TRMT11: variants seen among roughly 807,000 people sequenced by gnomAD.
The protein encoded by TRMT11 is tRNA methyltransferase 11, also known as tRNA (guanine(10)-N(2))-methyltransferase TRMT11.
A neutral mutation model predicts 62.8 loss-of-function variants in TRMT11; 53 were observed. The observed-to-expected ratio is 0.84, with a 90% CI of 0.68 to 1.06. The LOEUF (loss-of-function observed/expected upper bound fraction) is 1.06, where lower values mean the gene tolerates loss of function less well. Among genes scored for constraint, TRMT11 ranks in the 50% least tolerant of loss-of-function variants. The pLI is 0.00. For missense variants in TRMT11, 556 were observed against 553.4 expected (o/e 1.00, Z -0.05); for synonymous variants, 188 against 190.3 (o/e 0.99, Z 0.10).
intron 1 of TRMT11, among the ~76,000 whole-genome samples, chr6:126,185,714 C>A (rs1348365675): frequency 6.6e-6 from 1 of 152,090 alleles, no homozygotes; most frequent in Non-Finnish European, 1.5e-5. Flanking sequence ...GAAGAAATAC[C>A]TGAGACTGGG....
chr6:126,065,168 T>TC (rs1022206194), intron 17 of TRMT11, among the ~76,000 whole-genome samples: 10 of 152,226 alleles, frequency 6.6e-5, no homozygotes, highest in Admixed American at 5.2e-4. Flanking sequence ...TGAAACTTTT[T>TC]CTTTTATTGT....
intron 21 of TRMT11, among the ~76,000 whole-genome samples, chr6:126,142,765 A>G (rs1777932360): frequency 6.6e-6 from 1 of 152,082 alleles, no homozygotes; most frequent in Admixed American, 6.6e-5. Flanking sequence ...AGCTATATTA[A>G]CAGTGCTGAG....
chr6:125,998,239 C>A lies in TRMT11; in HGVS notation c.311C>A (p.Ser104Ter). Reference sequence around the variant, plus strand: ...TTATTTTAGGTTCCATTTCTACATTCGGACTCTACATATAAAATAAAGATT... The same window carrying A: ...TTATTTTAGGTTCCATTTCTACATTAGGACTCTACATATAAAATAAAGATT... ...PVEKMVPFLHSDSTYKIKIHT... is the reference protein window; with the variant it reads ...PVEKMVPFLH Residue 104 changes from serine to a stop codon, truncating the protein, a stop_gained, in exon 5 of 13, where the codon TCG (serine) becomes TAG (stop). Transcript: ENST00000334379. LOFTEE classifies it high-confidence loss of function. 1 of 1,600,256 alleles carries A rather than the reference C, an allele frequency of 6.2e-7. No homozygotes were observed. The highest frequency in any genetic ancestry group is 1.1e-5 in the South Asian group (1 of 90,484).
At chr6:126,136,792 A>G (rs62427023) in intron 21 of TRMT11, among the ~76,000 whole-genome samples, 5 of 151,826 alleles carry the variant, frequency 3.3e-5, no homozygotes, top group Non-Finnish European at 7.4e-5. Flanking sequence ...AGAGACATAG[A>G]CCAATGGAAG....
chr6:126,228,110 T>C, the TRMT11 span, among the ~76,000 whole-genome samples: 1 of 152,232 alleles, frequency 6.6e-6, no homozygotes, highest in Admixed American at 6.5e-5. Flanking sequence ...GGTCAGTCTA[T>C]TCCCCATCCC....
chr6:126,013,240 T>C, intron 11 of TRMT11, 139 bp downstream of exon 11: 1 of 779,620 alleles, frequency 1.3e-6, no homozygotes, highest in Non-Finnish European at 2.0e-6. Context: ...CCTTCAAATG[T>C]GTATAAAATA....
intron 17 of TRMT11, among the ~76,000 whole-genome samples, chr6:126,063,624 G>A (rs1776601593): frequency 6.6e-6 from 1 of 152,206 alleles, no homozygotes; most frequent in Admixed American, 6.5e-5. Flanking sequence ...TGAAATTACA[G>A]ATGGGTCTGA....
At chr6:126,015,488 G>A (rs1018915936) in intron 11 of TRMT11, among the ~76,000 whole-genome samples, 1 of 152,062 alleles carries the variant, frequency 6.6e-6, no homozygotes, top group African/African-American at 2.4e-5. Flanking sequence ...TCGGTGCTGG[G>A]ATTACAGGTG....
chr6:126,169,860 T>C (rs986665181), intron 21 of TRMT11, among the ~76,000 whole-genome samples: 6 of 152,180 alleles, frequency 3.9e-5, no homozygotes, highest in Non-Finnish European at 8.8e-5. Context: ...AACCATGATA[T>C]TTCATGAAAT....
At chr6:126,124,223 C>T (rs1401757550) in intron 21 of TRMT11, among the ~76,000 whole-genome samples, 1 of 151,882 alleles carries the variant, frequency 6.6e-6, no homozygotes, top group Non-Finnish European at 1.5e-5. Flanking sequence ...GGAGGAGATC[C>T]CCAAAATGTC....
At chr6:126,048,517 T>G (rs976589542) in intron 16 of TRMT11, among the ~76,000 whole-genome samples, 2 of 152,168 alleles carry the variant, frequency 1.3e-5, no homozygotes, top group African/African-American at 4.8e-5. Flanking sequence ...TCGGGGTCAC[T>G]CATATTGACA....
chr6:126,264,088 G>C, the TRMT11 span, among the ~76,000 whole-genome samples: 1 of 152,126 alleles, frequency 6.6e-6, no homozygotes, highest in East Asian at 1.9e-4. Context: ...TCATTAACAC[G>C]TGCCTAGGTG....
intron 21 of TRMT11, among the ~76,000 whole-genome samples, chr6:126,168,000 A>C (rs187022446): frequency 1.1e-3 from 172 of 152,344 alleles, no homozygotes; most frequent in African/African-American, 4.0e-3. Flanking sequence ...GACTTGGGTC[A>C]GTGTCTCCCA....
chr6:126,259,825 C>G, the TRMT11 span, among the ~76,000 whole-genome samples: 1 of 151,984 alleles, frequency 6.6e-6, no homozygotes, highest in Non-Finnish European at 1.5e-5. Context: ...AAAGAATAAC[C>G]TTTGCCTCTT....
the TRMT11 span, among the ~76,000 whole-genome samples, chr6:126,249,195 G>T: frequency 6.6e-6 from 1 of 152,174 alleles, no homozygotes; most frequent in African/African-American, 2.4e-5. Context: ...GCTCCAGGAA[G>T]AATTTTGTCA....
the TRMT11 span, among the ~76,000 whole-genome samples, chr6:126,244,000 T>C: frequency 6.6e-6 from 1 of 152,216 alleles, no homozygotes; most frequent in Admixed American, 6.5e-5. Context: ...CACATTTTAG[T>C]TTCCACTTTC....
chr6:126,134,184 T>G (rs1291517226), intron 21 of TRMT11, among the ~76,000 whole-genome samples: 1 of 151,886 alleles, frequency 6.6e-6, no homozygotes, highest in African/African-American at 2.4e-5. Context: ...TGAACTAAAT[T>G]AGTCACTTAA....
intron 17 of TRMT11, among the ~76,000 whole-genome samples, chr6:126,100,953 G>T (rs981943236): frequency 4.6e-5 from 7 of 152,208 alleles, no homozygotes; most frequent in African/African-American, 1.7e-4. Flanking sequence ...CAACCTAGAT[G>T]CCTTCTATGC....
At chr6:126,158,316 A>T (rs1028638265) in intron 21 of TRMT11, among the ~76,000 whole-genome samples, 5 of 152,120 alleles carry the variant, frequency 3.3e-5, no homozygotes, top group Non-Finnish European at 7.4e-5. Flanking sequence ...CATGGTCTGG[A>T]CTTTGCTGAA....
Sources: gnomAD v4.1 joint callset for allele counts (sites outside exome capture counted in the v4.1 genomes callset) on GRCh38, gnomAD v4.1.1 for gene constraint, MANE v1.5 for transcripts, NCBI Gene and HGNC (gene_info 2026-07-23, HGNC 2026-07-21) for gene names.